The following TOX2 variants were observed in gnomAD, a reference collection of about 807,000 sequenced individuals.
The protein encoded by TOX2 is granulosa cell HMG box 1.
TOX2 carries 15 observed loss-of-function variants against 47.4 expected under a neutral mutation model. The observed-to-expected ratio is 0.32, with a 90% CI of 0.21 to 0.49. The LOEUF (loss-of-function observed/expected upper bound fraction) is 0.49, where lower values mean the gene tolerates loss of function less well. Ranked by LOEUF, TOX2 falls within the 20% of genes least tolerant of loss-of-function variation. The probability of loss-of-function intolerance (pLI) is 0.99; values close to 1 mark genes in which losing one functional copy is unlikely to be tolerated. For synonymous variants in TOX2, 290 were observed against 296.6 expected, an observed-to-expected ratio of 0.98 and a Z score of 0.23; for missense variants, 622 against 673.1, an observed-to-expected ratio of 0.92 and a Z score of 0.84.
At chr20:43,987,507 C>G (rs969661281) in intron 2 of TOX2, among the ~76,000 whole-genome samples, 4 of 152,112 alleles carry the variant, frequency 2.6e-5, no homozygotes, top group Admixed American at 2.6e-4. Flanking sequence ...GTGCACTTTT[C>G]TGTTGTATTC....
intron 1 of TOX2, chr20:43,955,282 T>G: frequency 1.0e-6 from 1 of 985,464 alleles, no homozygotes; most frequent in South Asian, 4.7e-5. Context: ...TGTGAGTAGC[T>G]GCTGAAAACC....
chr20:44,008,359 A>G (rs1294061318), intron 3 of TOX2, among the ~76,000 whole-genome samples: 1 of 152,152 alleles, frequency 6.6e-6, no homozygotes, highest in African/African-American at 2.4e-5. Flanking sequence ...CAGGAGTTCA[A>G]GACCATCCTG....
intron 1 of TOX2, among the ~76,000 whole-genome samples, chr20:43,950,699 C>T (rs926845584): frequency 2.6e-5 from 4 of 152,098 alleles, no homozygotes; most frequent in African/African-American, 4.8e-5. Context: ...TCTGTTTAAA[C>T]GTGCATACCC....
At chr20:44,003,517 G>C (rs2070623279) in intron 2 of TOX2, among the ~76,000 whole-genome samples, 2 of 152,134 alleles carry the variant, frequency 1.3e-5, no homozygotes, top group Non-Finnish European at 2.9e-5. Flanking sequence ...TCTGTGCCAG[G>C]TCCTGACTGA....
intron 3 of TOX2, among the ~76,000 whole-genome samples, chr20:44,026,228 G>GATATATATATATATAGATATATATATAT: frequency 1.7e-5 from 1 of 60,258 alleles, no homozygotes; most frequent in Admixed American, 1.3e-4. Context: ...AAGAAACTGT[G>GATATATATATATATAGATATATATATAT]ATATATATAT....
intron 1 of TOX2, among the ~76,000 whole-genome samples, chr20:43,938,285 T>C (rs1381994214): frequency 6.6e-6 from 1 of 152,148 alleles, no homozygotes; most frequent in Non-Finnish European, 1.5e-5. Flanking sequence ...CGGGCCCCAC[T>C]CACAACTCCA....
intron 1 of TOX2, among the ~76,000 whole-genome samples, chr20:43,972,548 T>C (rs2069993753): frequency 6.6e-6 from 1 of 152,164 alleles, no homozygotes; most frequent in Non-Finnish European, 1.5e-5. Flanking sequence ...CTCTCCATAT[T>C]AATGTGTTGA....
rs200435206 is a variant in TOX2, at chr20:44,025,982, G to A, written c.411+19190G>A. 4.6e-5 allele frequency among the ~76,000 whole-genome samples: 7 copies of A among 151,934 alleles called. No individual in the cohort carries two copies. The East Asian group carries it at 1.4e-3, about 30-fold the overall frequency. ...TAAAGCTCCTGGCGGGGTGGGGTGG[G>A]GACACATAGTCCTCTGACGTGGCCA... On this transcript the variant is annotated intron_variant, in intron 3 of 8. Coordinates refer to ENST00000341197, the MANE Select transcript of TOX2 (RefSeq NM_001098797.2).
intron 1 of TOX2, among the ~76,000 whole-genome samples, chr20:43,964,466 A>G (rs2069814619): frequency 6.6e-6 from 1 of 152,132 alleles, no homozygotes; most frequent in South Asian, 2.1e-4. Context: ...TCACCGCCCA[A>G]TGTGGGGCAG....
intron 3 of TOX2, among the ~76,000 whole-genome samples, chr20:44,024,816 TACAATATACAAAGATAATATAC>T (rs1463210761): frequency 1.3e-4 from 20 of 150,510 alleles, no homozygotes; most frequent in Non-Finnish European, 5.9e-5. Flanking sequence ...TACAAAGATA[TACAATATACAAAGATAATATAC>T]ACAATATATA....
At chr20:44,065,199 C>T (rs575870373) in intron 6 of TOX2, among the ~76,000 whole-genome samples, 1 of 152,286 alleles carries the variant, frequency 6.6e-6, no homozygotes, top group Admixed American at 6.5e-5. Flanking sequence ...GCTTGGGACA[C>T]GCTACCCCAA....
chr20:43,916,324 G>A lies in TOX2; in HGVS notation c.99+1334G>A, dbSNP rs775084291. Reference sequence around the variant, plus strand: ...AGGCAGGAGAGAGGCGTCCCGGCGCGGATCCCGGGGCCTCCCGGGCTGGGC... The same window carrying A: ...AGGCAGGAGAGAGGCGTCCCGGCGCAGATCCCGGGGCCTCCCGGGCTGGGC... On this transcript the variant is annotated intron_variant, in intron 1 of 8. Coordinates refer to ENST00000341197, the MANE Select transcript of TOX2 (RefSeq NM_001098797.2). The surrounding 1 kb of genome is among the most constrained non-coding windows in gnomAD (Gnocchi z 5.0). 2.7e-5 allele frequency: 22 copies of A among 820,608 alleles called. No homozygotes were observed. The highest frequency in any genetic ancestry group is 3.7e-5 in the African/African-American group (2 of 53,968). The allele number at this position is 820,608 out of a possible 1,614,324, so 50.8% of individuals were successfully genotyped here. A position where few individuals can be genotyped will look rare whatever the true frequency, so the allele number is the denominator to read the frequency against.
chr20:44,002,934 CTT>C (rs764808894), intron 2 of TOX2, among the ~76,000 whole-genome samples: 1 of 152,314 alleles, frequency 6.6e-6, no homozygotes. Flanking sequence ...CAGTGGGTCA[CTT>C]TTCAACATGA....
intron 3 of TOX2, among the ~76,000 whole-genome samples, chr20:44,026,381 G>A (rs994931083): frequency 1.3e-5 from 2 of 150,850 alleles, no homozygotes; most frequent in Non-Finnish European, 2.9e-5. Context: ...ACCAAACATC[G>A]TATATTCTCA....
chr20:44,020,732 C>T lies in TOX2; in HGVS notation c.411+13940C>T, dbSNP rs527367805. Among the ~76,000 whole-genome samples the T allele has an allele frequency of 5.9e-5, 9 of 152,348 alleles. No homozygotes were observed. The South Asian group carries it at 6.2e-4, about 11-fold the overall frequency. On this transcript the variant is annotated intron_variant, in intron 3 of 8. Transcript: ENST00000341197. ...GGGCCCAGCAGCCCATGCCTAACCA[C>T]GCCTCCAGGGGCTTCTAATGCCAGC...
At chr20:43,988,300 T>A (rs1158121196) in intron 2 of TOX2, among the ~76,000 whole-genome samples, 1 of 152,140 alleles carries the variant, frequency 6.6e-6, no homozygotes, top group Non-Finnish European at 1.5e-5. Context: ...TGCCAGAAAA[T>A]CTTGTTAATG....
chr20:44,018,330 T>A (rs1157492503), intron 3 of TOX2, among the ~76,000 whole-genome samples: 6 of 152,122 alleles, frequency 3.9e-5, no homozygotes, highest in Admixed American at 6.5e-5. Flanking sequence ...TAACTTCCAC[T>A]CCAGGCAGCA....
At chr20:44,034,630 G>T (rs2071211882) in intron 3 of TOX2, among the ~76,000 whole-genome samples, 1 of 152,152 alleles carries the variant, frequency 6.6e-6, no homozygotes, top group South Asian at 2.1e-4. Context: ...ACAGAACAGT[G>T]GCCAACTTCT....
rs776089106 is a variant in TOX2, at chr20:44,065,954, A to C, written c.1203A>C (p.Thr401=). The C allele has an allele frequency of 7.4e-6, 12 of 1,613,040 alleles. No individual in the cohort carries two copies. In the East Asian group the frequency reaches 2.7e-4, roughly 36 times the overall value. ...CACCCTCCTTCCCGCTCAGCCCCAC[A>C]CTGCACCAGCAGCTGTCACTGCCCC... ...PPPPSFPLSP[T]LHQQLSLPPH... Residue 401 remains threonine (T), a synonymous_variant, in exon 7 of 9, where the codon ACA becomes ACC. Coordinates refer to ENST00000341197, the MANE Select transcript of TOX2 (RefSeq NM_001098797.2).
Sources: gnomAD v4.1 joint callset for allele counts (sites outside exome capture counted in the v4.1 genomes callset) on GRCh38, gnomAD v4.1.1 for gene constraint, Gnocchi (gnomAD v3.1) non-coding constraint, MANE v1.5 for transcripts, NCBI Gene and HGNC (gene_info 2026-07-23, HGNC 2026-07-21) for gene names.